Variants in SIMC1 observed in about 807,000 individuals in gnomAD.
SIMC1 encodes the protein SUMO-interacting motif-containing protein 1.
SIMC1 carries 55 observed loss-of-function variants against 82.3 expected under a neutral mutation model. The ratio of observed to expected loss-of-function variants is 0.67; its 90% CI spans 0.54 to 0.84. The LOEUF (loss-of-function observed/expected upper bound fraction) is 0.84. Ranked by LOEUF, SIMC1 falls within the 40% of genes least tolerant of loss-of-function variation. The pLI is 0.00. For synonymous variants in SIMC1, 353 were observed against 426.3 expected (o/e 0.83, Z 2.12); for missense variants, 915 against 1,107.2 (o/e 0.83, Z 2.46).
intron 1 of SIMC1, among the ~76,000 whole-genome samples, chr5:176,277,112 GT>G (rs1762742768): frequency 6.6e-6 from 1 of 151,918 alleles, no homozygotes; most frequent in African/African-American, 2.4e-5. Flanking sequence ...AGCACCTGTC[GT>G]TTCCTGACTT....
chr5:176,294,920 A>T (rs1166406906), intron 2 of SIMC1, 110 bp from the exon 3 acceptor site: 1 of 1,375,668 alleles, frequency 7.3e-7, no homozygotes, highest in South Asian at 1.5e-5. Flanking sequence ...AGCTGAGATC[A>T]CGCCACTGCA....
At chr5:176,249,149 A>G (rs1186023544) in intron 1 of SIMC1, among the ~76,000 whole-genome samples, 9 of 151,862 alleles carry the variant, frequency 5.9e-5, no homozygotes, top group Admixed American at 2.6e-4. Context: ...CTCATTTTCT[A>G]TTGTTTGGAA....
intron 7 of SIMC1, among the ~76,000 whole-genome samples, chr5:176,327,605 A>T (rs1050410425): frequency 2.6e-5 from 4 of 152,194 alleles, no homozygotes; most frequent in African/African-American, 9.7e-5. Context: ...CATACTGCAT[A>T]GGCTAGAATC....
chr5:176,270,478 A>G (rs1762376759), intron 1 of SIMC1: 1 of 152,146 alleles, frequency 6.6e-6, no homozygotes, highest in Non-Finnish European at 1.5e-5. Context: ...AACTTGAACA[A>G]CTATCCACAC....
At chr5:176,254,194 TC>T (rs1185678638) in intron 1 of SIMC1, among the ~76,000 whole-genome samples, 1 of 152,072 alleles carries the variant, frequency 6.6e-6, no homozygotes, top group Non-Finnish European at 1.5e-5. Context: ...GACTAAAGGA[TC>T]CCTTAAACCA....
chr5:176,282,818 G>A (rs1763075184), intron 1 of SIMC1, among the ~76,000 whole-genome samples: 1 of 152,194 alleles, frequency 6.6e-6, no homozygotes, highest in Non-Finnish European at 1.5e-5. Flanking sequence ...CCAATGAAGA[G>A]AAGTCCTTAA....
At chr5:176,275,375 G>A (rs912340534) in intron 1 of SIMC1, among the ~76,000 whole-genome samples, 2 of 151,844 alleles carry the variant, frequency 1.3e-5, no homozygotes, top group African/African-American at 4.8e-5. Context: ...ATTTTGGTCT[G>A]AGACAATGGG....
At chr5:176,250,778 T>C (rs1761623950) in intron 1 of SIMC1, among the ~76,000 whole-genome samples, 1 of 152,196 alleles carries the variant, frequency 6.6e-6, no homozygotes, top group African/African-American at 2.4e-5. Flanking sequence ...AGACTAGCAT[T>C]GCAACCCTTT....
At chr5:176,329,393 C>A (rs1211198692) in intron 7 of SIMC1, among the ~76,000 whole-genome samples, 1 of 151,794 alleles carries the variant, frequency 6.6e-6, no homozygotes. Flanking sequence ...ATGGCGTGAA[C>A]CCGGGAGGCG....
At chr5:176,300,575 G>C (rs1486271215) in intron 4 of SIMC1, among the ~76,000 whole-genome samples, 1 of 151,070 alleles carries the variant, frequency 6.6e-6, no homozygotes, top group Non-Finnish European at 1.5e-5. Context: ...TCCCACCTTT[G>C]CCTCCCAGAG....
chr5:176,247,617 A>T (rs2113109500), intron 1 of SIMC1, among the ~76,000 whole-genome samples: 1 of 152,042 alleles, frequency 6.6e-6, no homozygotes, highest in Non-Finnish European at 1.5e-5. Context: ...GTTTAATCAG[A>T]TCCATTTGTC....
intron 1 of SIMC1, among the ~76,000 whole-genome samples, chr5:176,260,562 C>A (rs1424039218): frequency 6.6e-6 from 1 of 151,836 alleles, no homozygotes; most frequent in African/African-American, 2.4e-5. Context: ...AATCCTCTTG[C>A]ATGGTCATTA....
At position 176,240,967 on chromosome 5, in the gene SIMC1, G is replaced by T. The variant is rs1468813572; in HGVS notation, c.129+2330G>T. On this transcript the variant is annotated intron_variant, in intron 1 of 9. Coordinates refer to ENST00000429602, the MANE Select transcript of SIMC1 (RefSeq NM_001308195.2). ...GTCCCTCTTGAGCTTCACAGGCAAT[G>T]AAATAAAAGAAGCAACTTTTACATC... is the stretch of plus-strand genomic sequence containing the variant. 4.7e-5 allele frequency among the ~76,000 whole-genome samples: 4 copies of T among 85,528 alleles called. 1 individual carries two copies. Among genetic ancestry groups the T allele is most frequent in the Admixed American group, 4.5e-4 (4 of 8,980 alleles). The allele number at this position is 85,528 out of a possible 152,430, so 56.1% of individuals were successfully genotyped here. A position where few individuals can be genotyped will look rare whatever the true frequency, so the allele number is the denominator to read the frequency against.
At chr5:176,283,832 C>T (rs535973123) in intron 1 of SIMC1, among the ~76,000 whole-genome samples, 161 of 152,244 alleles carry the variant, frequency 1.1e-3, no homozygotes, top group African/African-American at 3.8e-3. Context: ...GGAGGAAGAT[C>T]TACCAAGCAA....
At position 176,302,256 on chromosome 5, in the gene SIMC1, G is replaced by A. The variant is rs559977544; in HGVS notation, c.1734+5936G>A. 2.6e-5 allele frequency among the ~76,000 whole-genome samples: 4 copies of A among 152,262 alleles called. No individual in the cohort carries two copies. The South Asian group carries it at 8.3e-4, about 32-fold the overall frequency. On this transcript the variant is annotated intron_variant, in intron 4 of 9. Coordinates refer to ENST00000429602, the MANE Select transcript of SIMC1 (RefSeq NM_001308195.2). ...CATGAACATGTGGGATTTATTCCTG[G>A]ATGGTTTAACATATGAAAGTAAATG... is the stretch of plus-strand genomic sequence containing the variant.
At chr5:176,280,102 G>T (rs1033191581) in intron 1 of SIMC1, among the ~76,000 whole-genome samples, 5 of 151,982 alleles carry the variant, frequency 3.3e-5, no homozygotes, top group Non-Finnish European at 5.9e-5. Context: ...TTAATGTGTG[G>T]GAGTCTAAGT....
chr5:176,330,458 G>C (rs1039793667), intron 7 of SIMC1, among the ~76,000 whole-genome samples: 6 of 151,104 alleles, frequency 4.0e-5, no homozygotes, highest in African/African-American at 1.2e-4. Flanking sequence ...CTCCAGAACT[G>C]TGTTAGGTAA....
intron 4 of SIMC1, among the ~76,000 whole-genome samples, chr5:176,306,275 T>C (rs2113322562): frequency 9.0e-6 from 1 of 111,248 alleles, no homozygotes; most frequent in African/African-American, 3.2e-5. Flanking sequence ...AGCCGCCCCG[T>C]CCGGGAGGGA....
At chr5:176,279,467 A>C (rs530092648) in intron 1 of SIMC1, among the ~76,000 whole-genome samples, 1 of 150,962 alleles carries the variant, frequency 6.6e-6, no homozygotes, top group Non-Finnish European at 1.5e-5. Flanking sequence ...TTGTGTCTCT[A>C]TTTCCTTCAG....
Sources: gnomAD v4.1 joint callset for allele counts (sites outside exome capture counted in the v4.1 genomes callset) on GRCh38, gnomAD v4.1.1 for gene constraint, MANE v1.5 for transcripts, NCBI Gene and HGNC (gene_info 2026-07-23, HGNC 2026-07-21) for gene names.